Variants in PPIG observed in about 807,000 individuals in gnomAD.
The protein encoded by PPIG is peptidyl-prolyl cis-trans isomerase G.
Under a neutral mutation model 87.9 loss-of-function variants are expected in PPIG, and 26 were observed. The observed-to-expected ratio is 0.30, with a 90% confidence interval of 0.22 to 0.41. The LOEUF (loss-of-function observed/expected upper bound fraction) is 0.41. Among genes scored for constraint, PPIG ranks in the 10% least tolerant of loss-of-function variants. PPIG has a pLI of 1.00. For missense variants in PPIG, 722 were observed against 879.4 expected, an observed-to-expected ratio of 0.82 and a Z score of 2.26; for synonymous variants, 308 against 276.5, an observed-to-expected ratio of 1.11 and a Z score of -1.13.
intron 9 of PPIG, among the ~76,000 whole-genome samples, chr2:169,620,139 T>G (rs1447666173): frequency 6.6e-6 from 1 of 152,114 alleles, no homozygotes; most frequent in Non-Finnish European, 1.5e-5. Flanking sequence ...TGGGGTCATA[T>G]CCAGAAAAAT....
At chr2:169,605,456 TC>T (rs1685297444) in intron 4 of PPIG, among the ~76,000 whole-genome samples, 1 of 151,884 alleles carries the variant, frequency 6.6e-6, no homozygotes, top group Admixed American at 6.6e-5. Context: ...TGAGCCAAGA[TC>T]ACTCCACTGC....
At chr2:169,608,312 A>G (rs1370086006) in intron 6 of PPIG, among the ~76,000 whole-genome samples, 1 of 151,950 alleles carries the variant, frequency 6.6e-6, no homozygotes, top group Non-Finnish European at 1.5e-5. Context: ...AACACGGTGA[A>G]ATGCCGTCTC....
chr2:169,607,329 T>G (rs1490140549), intron 6 of PPIG, among the ~76,000 whole-genome samples, 181 bp downstream of exon 6: 1 of 152,180 alleles, frequency 6.6e-6, no homozygotes. Context: ...GTATTTTTTC[T>G]TCTTAGGACA....
chr2:169,599,476 C>T (rs1456074173), intron 1 of PPIG, among the ~76,000 whole-genome samples: 2 of 151,798 alleles, frequency 1.3e-5, no homozygotes, highest in East Asian at 3.9e-4. Context: ...AAAAAAAAAC[C>T]CAAGGACTAT....
At chr2:169,624,160 TCTCGCTATGTTG>T (rs1175629303) in intron 9 of PPIG, among the ~76,000 whole-genome samples, 15 of 152,296 alleles carry the variant, frequency 9.8e-5, no homozygotes, top group East Asian at 9.6e-4. Flanking sequence ...GGAGACAAGG[TCTCGCTATGTTG>T]CCCAGGCAGG....
chr2:169,628,939 CAAAAAAAAAA>C (rs71006010), intron 9 of PPIG, among the ~76,000 whole-genome samples: 10,087 of 92,288 alleles, frequency 0.11, 661 homozygotes, highest in African/African-American at 0.17. Flanking sequence ...ACCCTGTCTC[CAAAAAAAAAA>C]AAAAAAAAAA....
At position 169,606,243 on chromosome 2, in the gene PPIG, C is replaced by T. The variant is rs140041748; in HGVS notation, c.244+97C>T. Reference sequence around the variant, plus strand: ...AAGTTTTAGTCCAATATTCTTGTCACTCTCACTCCATTTAATCTTTGGTCA... The same window carrying T: ...AAGTTTTAGTCCAATATTCTTGTCATTCTCACTCCATTTAATCTTTGGTCA... On this transcript the variant is annotated intron_variant, in intron 5 of 13. Coordinates refer to ENST00000260970, the MANE Select transcript of PPIG (RefSeq NM_004792.3). 2,883 of 845,908 alleles carry T rather than the reference C, an allele frequency of 3.4e-3. 13 individuals carry two copies. The highest frequency in any genetic ancestry group is 4.1e-3 in the Non-Finnish European group (2,101 of 508,578). 52.4% of individuals were successfully genotyped at this position (845,908 alleles called of 1,614,324 possible).
intron 9 of PPIG, among the ~76,000 whole-genome samples, chr2:169,615,653 A>G (rs534193996): frequency 1.1e-3 from 167 of 152,266 alleles, no homozygotes; most frequent in Non-Finnish European, 1.2e-3. Context: ...GCTGAATAGT[A>G]TTCCATTGTG....
intron 1 of PPIG, among the ~76,000 whole-genome samples, chr2:169,597,639 A>T (rs1169023677): frequency 6.6e-6 from 1 of 151,850 alleles, no homozygotes; most frequent in Non-Finnish European, 1.5e-5. Flanking sequence ...CTGGGACTAC[A>T]GGCGTGCGCC....
Position 169,636,846 on chromosome 2 carries a change from C to T in PPIG, c.1588C>T (p.His530Tyr). 1.2e-6 allele frequency: 2 copies of T among 1,613,662 alleles called. No homozygotes were observed. The highest frequency in any genetic ancestry group is 1.1e-5 in the South Asian group (1 of 91,054). Residue 530 changes from histidine to tyrosine, a missense_variant, in exon 14 of 14, where the codon CAT (histidine) becomes TAT (tyrosine). By Grantham distance (83) the His-to-Tyr change is moderately conservative. Coordinates refer to ENST00000260970, the MANE Select transcript of PPIG (RefSeq NM_004792.3). ...SKQLESKSNE[H>Y]DHSKSKEKDR... is the part of the protein sequence containing the mutation. Reference sequence around the variant, plus strand: ...ACAGTTAGAATCAAAGAGTAATGAGCATGATCACAGTAAAAGTAAGGAAAA... The same window carrying T: ...ACAGTTAGAATCAAAGAGTAATGAGTATGATCACAGTAAAAGTAAGGAAAA...
At chr2:169,602,951 A>G (rs1685225133) in intron 1 of PPIG, among the ~76,000 whole-genome samples, 1 of 152,166 alleles carries the variant, frequency 6.6e-6, no homozygotes, top group Non-Finnish European at 1.5e-5. Flanking sequence ...CTAGAGCCAA[A>G]TTACCTTCCT....
intron 5 of PPIG, among the ~76,000 whole-genome samples, chr2:169,606,654 C>T (rs1364964845): frequency 6.7e-6 from 1 of 148,190 alleles, no homozygotes; most frequent in Non-Finnish European, 1.5e-5. Context: ...ACATGAATTT[C>T]AGAAATAGGC....
At chr2:169,598,457 A>T (rs1397205357) in intron 1 of PPIG, among the ~76,000 whole-genome samples, 3 of 151,680 alleles carry the variant, frequency 2.0e-5, no homozygotes, top group Non-Finnish European at 2.9e-5. Context: ...CACCCGGCTA[A>T]TTTTTTTGTA....
At chr2:169,629,816 CT>C (rs2105517271) in intron 9 of PPIG, among the ~76,000 whole-genome samples, 1 of 152,240 alleles carries the variant, frequency 6.6e-6, no homozygotes, top group African/African-American at 2.4e-5. Context: ...TGACAAAGAG[CT>C]ATTTCCCTTC....
At chr2:169,587,248 G>C (rs1226743601) in intron 1 of PPIG, among the ~76,000 whole-genome samples, 1 of 149,310 alleles carries the variant, frequency 6.7e-6, no homozygotes, top group East Asian at 2.0e-4. Flanking sequence ...CCTGACTTTT[G>C]CTTTTTTTTT....
rs1388417660 is a variant in PPIG at position 169,638,034 on chromosome 2, T to G, written c.*511T>G. The G allele has an allele frequency of 1.3e-5, 2 of 152,274 alleles. No homozygotes were observed. Among genetic ancestry groups the G allele is most frequent in the Non-Finnish European group, 2.9e-5 (2 of 68,084 alleles). The allele number at this position is 152,274 out of a possible 1,614,324, so 9.4% of individuals were successfully genotyped here. A position where few individuals can be genotyped will look rare whatever the true frequency, so the allele number is the denominator to read the frequency against. On this transcript the variant is annotated 3_prime_UTR_variant, in exon 14 of 14. Transcript: ENST00000260970. The stretch of plus-strand genomic sequence containing the variant: ...GATCTTAAATCATCACTTTTGATTT[T>G]ATAGTAATTTGTGCTTTAAAATAGA...
intron 9 of PPIG, among the ~76,000 whole-genome samples, chr2:169,622,772 G>A (rs1685791071): frequency 6.6e-6 from 1 of 152,192 alleles, no homozygotes; most frequent in African/African-American, 2.4e-5. Flanking sequence ...ATTGGTCAGA[G>A]TAGATTTTGT....
chr2:169,616,397 G>C (rs192499494), intron 9 of PPIG, among the ~76,000 whole-genome samples: 49 of 152,192 alleles, frequency 3.2e-4, no homozygotes, highest in Non-Finnish European at 5.9e-4. Flanking sequence ...GGTATTTCTG[G>C]TTCTAGATCC....
At chr2:169,632,702 G>A (rs929876951) in intron 11 of PPIG, among the ~76,000 whole-genome samples, 3 of 151,828 alleles carry the variant, frequency 2.0e-5, no homozygotes, top group Non-Finnish European at 4.4e-5. Flanking sequence ...CCGAGATCAC[G>A]GCACTGCACT....
Sources: gnomAD v4.1 joint callset for allele counts (sites outside exome capture counted in the v4.1 genomes callset) on GRCh38, gnomAD v4.1.1 for gene constraint, MANE v1.5 for transcripts, NCBI Gene and HGNC (gene_info 2026-07-23, HGNC 2026-07-21) for gene names.